The following IFT74 variants were observed in gnomAD, a reference collection of about 807,000 sequenced individuals.
The protein encoded by IFT74 is intraflagellar transport 74.
A neutral mutation model predicts 96.7 loss-of-function variants in IFT74; 92 were observed. The observed-to-expected ratio is 0.95, with a 90% CI of 0.80 to 1.13. The LOEUF is 1.13. IFT74 is among the 50% of genes most tolerant of loss of function. The pLI is 0.00. For missense variants in IFT74, 811 were observed against 698.2 expected, an observed-to-expected ratio of 1.16 and a Z score of -1.82; for synonymous variants, 223 against 213.2, an observed-to-expected ratio of 1.05 and a Z score of -0.40.
intron 8 of IFT74, among the ~76,000 whole-genome samples, chr9:27,008,202 T>A (rs1219727068): frequency 1.3e-5 from 2 of 152,304 alleles, no homozygotes; most frequent in Non-Finnish European, 2.9e-5. Flanking sequence ...TCTAAAGCCA[T>A]AACTAAAAAA....
chr9:27,048,085 G>C, intron 15 of IFT74, 63 bp from the exon 16 acceptor site: 1 of 1,213,814 alleles, frequency 8.2e-7, no homozygotes, highest in Non-Finnish European at 1.1e-6. Flanking sequence ...TTTTCCAAGA[G>C]TTTTATTGAG....
At chr9:27,037,239 AGCT>A (rs1819248642) in intron 13 of IFT74, among the ~76,000 whole-genome samples, 1 of 144,924 alleles carries the variant, frequency 6.9e-6, no homozygotes, top group African/African-American at 2.5e-5. Flanking sequence ...AAAAAAAAAA[AGCT>A]TGCAGAGACT....
At chr9:26,974,158 C>T (rs1174041326) in intron 2 of IFT74, among the ~76,000 whole-genome samples, 1 of 152,028 alleles carries the variant, frequency 6.6e-6, no homozygotes, top group East Asian at 1.9e-4. Context: ...TTCTTGGCTC[C>T]CTGGAAGTCT....
upstream of IFT74, chr9:26,955,877 A>G (rs1826070242): frequency 6.6e-6 from 1 of 151,800 alleles, no homozygotes; most frequent in Non-Finnish European, 1.5e-5. Context: ...TTGAATTCAC[A>G]GTCTTCCCCA....
rs568608745 is a variant in IFT74 at position 27,065,922 on chromosome 9, C to G, written c.*3186C>G. Among the ~76,000 whole-genome samples the G allele has an allele frequency of 6.6e-6, 1 of 152,186 alleles. No individual in the cohort carries two copies. Among genetic ancestry groups the G allele is most frequent in the East Asian group, 1.9e-4 (1 of 5,178 alleles). ...ATTATGTCTTAAAATTGTAAGTTTA[C>G]AGTTTGATAACTGAAAAACATTTTT... On this transcript the variant is annotated 3_prime_UTR_variant, in exon 20 of 20. Transcript: ENST00000380062.
chr9:27,047,370 G>T lies in IFT74; in HGVS notation c.1205G>T (p.Arg402Leu). ...GTTGCACTCTTGGAGCACTGCAGTC[G>T]AGTGAGTACCATGTGCCTGTCTTGG... ...NIVALLEHCS[R>L]NINRIEQISS... is the part of the protein sequence containing the mutation. The change falls in exon 15 of 20, where the codon CGA becomes CTA. Residue 402 changes from arginine (R) to leucine (L), a missense_variant and splice_region_variant. Physicochemically the swap from Arg to Leu is moderately radical, Grantham distance 102 (BLOSUM62 -2). Coordinates refer to ENST00000380062, the MANE Select transcript of IFT74 (RefSeq NM_025103.4). 6.3e-7 allele frequency: 1 copy of T among 1,590,402 alleles called. No individual in the cohort carries two copies.
At chr9:26,995,909 C>A in intron 8 of IFT74, 2 of 1,181,672 alleles carry the variant, frequency 1.7e-6, no homozygotes, top group South Asian at 3.2e-5. Flanking sequence ...GCAAAATAAT[C>A]ATAATTATAT....
At chr9:26,982,417 C>T (rs184161118) in intron 4 of IFT74, 9 of 417,706 alleles carry the variant, frequency 2.2e-5, no homozygotes, top group Non-Finnish European at 2.8e-5. Flanking sequence ...GCTGGGATTA[C>T]GGGTGCCTGC....
intron 1 of IFT74, 88 bp from the exon 2 acceptor site, chr9:26,961,861 T>G (rs1826375629): frequency 1.4e-6 from 2 of 1,391,070 alleles, no homozygotes; most frequent in Non-Finnish European, 2.0e-6. Flanking sequence ...GAACAATTGT[T>G]GTGAATTAAA....
chr9:26,996,286 T>G (rs1272525347), intron 8 of IFT74: 1 of 1,353,192 alleles, frequency 7.4e-7, no homozygotes, highest in African/African-American at 1.4e-5. Context: ...TTCAGCAGTG[T>G]TAATATATAG....
At chr9:26,951,347 G>A (rs1825924300) in intron 1 of IFT74, among the ~76,000 whole-genome samples, 1 of 152,142 alleles carries the variant, frequency 6.6e-6, no homozygotes, top group African/African-American at 2.4e-5. Flanking sequence ...GATGGTATTT[G>A]GCTTGTGTGT....
chr9:26,999,604 A>G, intron 8 of IFT74: 1 of 1,564,028 alleles, frequency 6.4e-7, no homozygotes, highest in African/African-American at 1.4e-5. Context: ...TTTTGATTGT[A>G]AAAACTTACT....
intron 11 of IFT74, among the ~76,000 whole-genome samples, chr9:27,017,281 G>T (rs1450156873): frequency 6.6e-6 from 1 of 152,120 alleles, no homozygotes. Flanking sequence ...GGAGCACAGT[G>T]GTGCAATCAT....
At chr9:26,959,107 G>A (rs1826243468) in intron 1 of IFT74, among the ~76,000 whole-genome samples, 2 of 152,014 alleles carry the variant, frequency 1.3e-5, no homozygotes, top group Non-Finnish European at 1.5e-5. Context: ...TGTTGTTGTT[G>A]TTGTTGTTGT....
intron 10 of IFT74, among the ~76,000 whole-genome samples, chr9:27,015,305 C>T (rs543960845): frequency 4.3e-4 from 65 of 152,134 alleles, no homozygotes; most frequent in African/African-American, 1.6e-3. Flanking sequence ...CTCGTCTACT[C>T]GTTCCTTTTT....
rs71841244 is a variant in IFT74 at position 26,948,448 on chromosome 9, ATTTTTTTTTTTTTTTTTTTTTTT to A, written c.-20+1320_-20+1342del. ...TGACAACCTGTGATGGCTTTCCATT[ATTTTTTTTTTTTTTTTTTTTTTT>A]TTTTTTTTTTTTTTTTTGAGACGGA... On this transcript the variant is annotated intron_variant, in intron 1 of 19. Transcript: ENST00000433700. Among the ~76,000 whole-genome samples, 146 of 59,166 alleles carry A rather than the reference ATTTTTTTTTTTTTTTTTTTTTTT, an allele frequency of 2.5e-3. 1 individual carries two copies. The highest frequency in any genetic ancestry group is 7.4e-3 in the Admixed American group (38 of 5,112). The allele number at this position is 59,166 out of a possible 152,430, so 38.8% of individuals were successfully genotyped here. A position where few individuals can be genotyped will look rare whatever the true frequency, so the allele number is the denominator to read the frequency against.
At chr9:26,985,922 TG>T (rs1379738933) in intron 6 of IFT74, among the ~76,000 whole-genome samples, 1 of 152,174 alleles carries the variant, frequency 6.6e-6, no homozygotes, top group African/African-American at 2.4e-5. Flanking sequence ...GTATATAACA[TG>T]ATATAGTTCC....
chr9:26,997,122 G>T (rs1329346080), intron 8 of IFT74, among the ~76,000 whole-genome samples: 1 of 151,568 alleles, frequency 6.6e-6, no homozygotes, highest in African/African-American at 2.4e-5. Flanking sequence ...TGAGGCAGGA[G>T]AATCACTTGA....
At chr9:26,995,301 T>G in intron 8 of IFT74, 1 of 444,300 alleles carries the variant, frequency 2.3e-6, no homozygotes. Context: ...AGTGCTAGTA[T>G]TGTAGACTAT....
Sources: gnomAD v4.1 joint callset for allele counts (sites outside exome capture counted in the v4.1 genomes callset) on GRCh38, gnomAD v4.1.1 for gene constraint, MANE v1.5 for transcripts, NCBI Gene and HGNC (gene_info 2026-07-23, HGNC 2026-07-21) for gene names.